The following ACSS3 variants were observed in gnomAD, a reference collection of about 807,000 sequenced individuals.
ACSS3 encodes acyl-CoA synthetase short-chain family member 3, mitochondrial.
In ACSS3, 64 loss-of-function variants were observed where a neutral mutation model predicts 84.2. That is an observed-to-expected ratio of 0.76 (90% CI 0.62 to 0.94). The LOEUF (loss-of-function observed/expected upper bound fraction) is 0.94. Among genes scored for constraint, ACSS3 ranks in the 40% least tolerant of loss-of-function variants. The pLI, the probability that ACSS3 is intolerant of heterozygous loss-of-function variation, is 0.00. For missense variants in ACSS3, 815 were observed against 867.6 expected (o/e 0.94, Z 0.76); for synonymous variants, 317 against 310.1 (o/e 1.02, Z -0.23).
intron 2 of ACSS3, among the ~76,000 whole-genome samples, chr12:81,133,328 T>A (rs977670099): frequency 6.6e-6 from 1 of 152,186 alleles, no homozygotes. Context: ...CTCTGTTCAT[T>A]GTGTTGGACA....
chr12:81,234,752 T>C (rs1392373805), intron 13 of ACSS3, among the ~76,000 whole-genome samples: 3 of 151,456 alleles, frequency 2.0e-5, no homozygotes, highest in African/African-American at 7.3e-5. Context: ...GGACTGTTTC[T>C]TTTTTATTGT....
chr12:81,119,503 A>G (rs771170349), intron 2 of ACSS3, among the ~76,000 whole-genome samples: 3 of 152,100 alleles, frequency 2.0e-5, no homozygotes, highest in Non-Finnish European at 2.9e-5. Flanking sequence ...GTGTATTTCA[A>G]TCCTTATCTC....
At chr12:81,175,049 G>T in intron 8 of ACSS3, 110 bp downstream of exon 8, 1 of 1,184,162 alleles carries the variant, frequency 8.4e-7, no homozygotes, top group Non-Finnish European at 1.1e-6. Flanking sequence ...AGAGCCAAAA[G>T]ATTCAGAGTG....
chr12:81,213,840 T>TCTCTC lies in ACSS3; in HGVS notation c.1355-3050_1355-3046dup, dbSNP rs1555181624. 3.8e-3 allele frequency among the ~76,000 whole-genome samples: 99 copies of TCTCTC among 25,904 alleles called. 2 individuals carry two copies. Among genetic ancestry groups the TCTCTC allele is most frequent in the South Asian group, 0.016 (11 of 704 alleles). 17.0% of individuals were successfully genotyped at this position (25,904 alleles called of 152,430 possible). On this transcript the variant is annotated intron_variant, in intron 9 of 15. Coordinates refer to ENST00000548058, the MANE Select transcript of ACSS3 (RefSeq NM_024560.4). ...TCTCTTCTCTTCTCTTCTCTTCTCT[T>TCTCTC]CTCTCCTCTCCTCTCTTCTCTTCCT...
intron 12 of ACSS3, among the ~76,000 whole-genome samples, chr12:81,231,506 A>G (rs758078726): frequency 5.9e-5 from 9 of 151,860 alleles, no homozygotes; most frequent in Non-Finnish European, 1.0e-4. Context: ...TCAGAATTAT[A>G]TAATGCCATT....
chr12:81,139,394 T>TA (rs1885969120), intron 4 of ACSS3, 129 bp downstream of exon 4: 4 of 1,063,416 alleles, frequency 3.8e-6, no homozygotes, highest in South Asian at 1.8e-5. Flanking sequence ...TTGTTATTTC[T>TA]AAAAAATATA....
chr12:81,175,004 T>A (rs867073965), intron 8 of ACSS3, 65 bp downstream of exon 8: 4 of 1,550,054 alleles, frequency 2.6e-6, no homozygotes, highest in Non-Finnish European at 3.5e-6. Flanking sequence ...AAGTGAACAT[T>A]ATTTTTTTTC....
At chr12:81,179,636 G>T (rs977994811) in intron 8 of ACSS3, among the ~76,000 whole-genome samples, 1 of 151,994 alleles carries the variant, frequency 6.6e-6, no homozygotes, top group African/African-American at 2.4e-5. Flanking sequence ...CAGGCGTGGT[G>T]GTGGGTGCCT....
At chr12:81,153,082 A>G (rs1199228661) in intron 7 of ACSS3, among the ~76,000 whole-genome samples, 2 of 152,180 alleles carry the variant, frequency 1.3e-5, no homozygotes, top group Non-Finnish European at 1.5e-5. Flanking sequence ...AAAGCATCTG[A>G]AAAAAGGGAG....
At chr12:81,225,865 A>G (rs1237755042) in intron 11 of ACSS3, among the ~76,000 whole-genome samples, 1 of 151,872 alleles carries the variant, frequency 6.6e-6, no homozygotes, top group Non-Finnish European at 1.5e-5. Context: ...ATAAAAGAGT[A>G]AATAAACAAG....
intron 2 of ACSS3, among the ~76,000 whole-genome samples, chr12:81,126,829 G>A (rs997985941): frequency 6.6e-6 from 1 of 151,964 alleles, no homozygotes; most frequent in Non-Finnish European, 1.5e-5. Flanking sequence ...GAAGAAACTG[G>A]TAATGAGAAA....
chr12:81,134,655 C>G (rs531951414), intron 2 of ACSS3, 161 bp from the exon 3 acceptor site: 2 of 495,020 alleles, frequency 4.0e-6, no homozygotes, highest in African/African-American at 2.0e-5. Context: ...TGTTATTACT[C>G]TCACCATCTA....
chr12:81,101,355 C>T (rs781648145), intron 1 of ACSS3, among the ~76,000 whole-genome samples: 7 of 152,110 alleles, frequency 4.6e-5, no homozygotes, highest in South Asian at 2.1e-4. Context: ...TATGTAAATA[C>T]GTGCTCAAAT....
At chr12:81,198,985 A>AT (rs1338313961) in intron 8 of ACSS3, among the ~76,000 whole-genome samples, 1 of 152,192 alleles carries the variant, frequency 6.6e-6, no homozygotes, top group African/African-American at 2.4e-5. Context: ...TAGCAATCAA[A>AT]TTTGGAGCTA....
intron 13 of ACSS3, among the ~76,000 whole-genome samples, chr12:81,245,342 G>C (rs2033949611): frequency 6.6e-6 from 1 of 152,182 alleles, no homozygotes. Context: ...GGCGACTGTA[G>C]TCCCAACTAC....
At position 81,202,659 on chromosome 12, in the gene ACSS3, C is replaced by T. The variant is rs533271635; in HGVS notation, c.1354+3215C>T. Among the ~76,000 whole-genome samples the T allele has an allele frequency of 5.4e-4, 82 of 152,176 alleles. 1 individual carries two copies. The highest frequency in any genetic ancestry group is 1.9e-3 in the African/African-American group (78 of 41,526). ...TACATACTTGCACACTTTTATGAGC[C>T]TTTCATATAAATTCATATGTGTATG... On this transcript the variant is annotated intron_variant, in intron 9 of 15. Coordinates refer to ENST00000548058, the MANE Select transcript of ACSS3 (RefSeq NM_024560.4).
Position 81,259,628 on chromosome 12 carries a change from C to G in ACSS3, c.*4706C>G. On this transcript the variant is annotated 3_prime_UTR_variant, in exon 16 of 16. Coordinates refer to ENST00000548058, the MANE Select transcript of ACSS3 (RefSeq NM_024560.4). ...CTGCTCGTCTTCTTAGATGGTAGTG[C>G]ACTTTAGGTAGAGTAGACTGAAAAG... The G allele has an allele frequency of 2.0e-6, 3 of 1,533,594 alleles. No homozygotes were observed. Among genetic ancestry groups the G allele is most frequent in the Non-Finnish European group, 2.6e-6 (3 of 1,144,896 alleles). The allele number at this position is 1,533,594 out of a possible 1,614,324, so 95.0% of individuals were successfully genotyped here. A position where few individuals can be genotyped will look rare whatever the true frequency, so the allele number is the denominator to read the frequency against.
chr12:81,143,399 G>A (rs1886186317), intron 5 of ACSS3, 152 bp downstream of exon 5: 1 of 706,304 alleles, frequency 1.4e-6, no homozygotes, highest in African/African-American at 1.8e-5. Flanking sequence ...TGCCCAGTCT[G>A]GAGTGCAGTG....
chr12:81,233,202 G>A (rs1449396441), intron 12 of ACSS3, 147 bp from the exon 13 acceptor site: 10 of 752,862 alleles, frequency 1.3e-5, no homozygotes, highest in Non-Finnish European at 1.2e-5. Context: ...CAGATAAAAA[G>A]TAGTGTAATT....
Sources: gnomAD v4.1 joint callset for allele counts (sites outside exome capture counted in the v4.1 genomes callset) on GRCh38, gnomAD v4.1.1 for gene constraint, MANE v1.5 for transcripts, NCBI Gene and HGNC (gene_info 2026-07-23, HGNC 2026-07-21) for gene names.